ITGA2: variants seen among roughly 807,000 people sequenced by gnomAD.
ITGA2 encodes integrin subunit alpha 2.
A neutral mutation model predicts 146.3 loss-of-function variants in ITGA2; 101 were observed. That is an observed-to-expected ratio of 0.69 (90% CI 0.59 to 0.81). ITGA2 has a LOEUF of 0.81. ITGA2 is among the 40% of genes least tolerant of loss of function. The pLI, the probability that ITGA2 is intolerant of heterozygous loss-of-function variation, is 0.00. For missense variants in ITGA2, 1,281 were observed against 1,402.7 expected (o/e 0.91, Z 1.39); for synonymous variants, 477 against 487.1 (o/e 0.98, Z 0.27).
chr5:53,010,806 T>G (rs556480500), intron 1 of ITGA2, among the ~76,000 whole-genome samples: 1 of 152,238 alleles, frequency 6.6e-6, no homozygotes, highest in Non-Finnish European at 1.5e-5. Context: ...AACCAGTAAT[T>G]GGAAAAGGGG....
chr5:53,000,295 A>G (rs1741500905), intron 1 of ITGA2, among the ~76,000 whole-genome samples: 1 of 152,128 alleles, frequency 6.6e-6, no homozygotes. Flanking sequence ...ATTTTTCTGC[A>G]TCTATTGGTT....
chr5:53,062,437 T>G (rs1744943837), intron 12 of ITGA2, among the ~76,000 whole-genome samples: 2 of 151,920 alleles, frequency 1.3e-5, no homozygotes, highest in Admixed American at 1.3e-4. Flanking sequence ...CTTATAAGTA[T>G]GTCTTTGACC....
chr5:53,048,522 A>G lies in ITGA2; in HGVS notation c.502+45A>G, dbSNP rs763643727. The G allele has an allele frequency of 2.5e-6, 4 of 1,607,220 alleles. No homozygotes were observed. The South Asian group carries it at 4.4e-5, about 18-fold the overall frequency. On this transcript the variant is annotated intron_variant, in intron 5 of 29. Transcript: ENST00000296585. ...ATGGTCTGAGCAATGCCTTACAGTT[A>G]AAGGAGGGGGAAAAGGTTATCAACT...
intron 9 of ITGA2, among the ~76,000 whole-genome samples, chr5:53,057,175 C>T (rs1362220451): frequency 1.3e-5 from 2 of 151,974 alleles, no homozygotes; most frequent in African/African-American, 4.8e-5. Flanking sequence ...TTGCAATCTA[C>T]AAGCTAGCTA....
At chr5:53,053,578 C>G (rs1444032498) in intron 7 of ITGA2, among the ~76,000 whole-genome samples, 4 of 152,112 alleles carry the variant, frequency 2.6e-5, no homozygotes, top group African/African-American at 9.7e-5. Context: ...AGGACAATGG[C>G]CACTGTCCAT....
chr5:53,087,787 C>A (rs1740174960), intron 28 of ITGA2, among the ~76,000 whole-genome samples: 1 of 152,202 alleles, frequency 6.6e-6, no homozygotes, highest in Admixed American at 6.5e-5. Context: ...AATCTGCTGG[C>A]AGAGCCCTGA....
At chr5:53,069,846 C>A (rs1745308190) in intron 16 of ITGA2, among the ~76,000 whole-genome samples, 1 of 151,812 alleles carries the variant, frequency 6.6e-6, no homozygotes, top group African/African-American at 2.4e-5. Flanking sequence ...TTCCTGGCGG[C>A]AAGTCTAGTT....
intron 1 of ITGA2, among the ~76,000 whole-genome samples, chr5:53,022,858 T>C (rs1055415057): frequency 4.6e-5 from 7 of 152,208 alleles, no homozygotes; most frequent in African/African-American, 1.4e-4. Context: ...AGTTAACTTA[T>C]GCTTGACTAT....
At chr5:53,048,024 G>A (rs1057363199) in intron 4 of ITGA2, among the ~76,000 whole-genome samples, 1 of 152,178 alleles carries the variant, frequency 6.6e-6, no homozygotes, top group African/African-American at 2.4e-5. Flanking sequence ...GACAAAAAGT[G>A]AACCTGCATG....
rs537086711 is a variant in ITGA2, at chr5:53,091,212, C to T, written c.*613C>T. 8.0e-4 allele frequency: 130 copies of T among 163,072 alleles called. No individual in the cohort carries two copies. Among genetic ancestry groups the T allele is most frequent in the Non-Finnish European group, 1.5e-3 (111 of 74,400 alleles). 10.1% of individuals were successfully genotyped at this position (163,072 alleles called of 1,614,324 possible). A position where few individuals can be genotyped will look rare whatever the true frequency, so the allele number is the denominator to read the frequency against. On this transcript the variant is annotated 3_prime_UTR_variant, in exon 30 of 30. Transcript: ENST00000296585. Reference sequence around the variant, plus strand: ...TGGTTCCTTTTAGACCACGGCTGCCCCTTCCACACCCCATCTTGCTCTAAT... The same window carrying T: ...TGGTTCCTTTTAGACCACGGCTGCCTCTTCCACACCCCATCTTGCTCTAAT...
intron 14 of ITGA2, 130 bp from the exon 15 acceptor site, chr5:53,065,711 T>C (rs1448128238): frequency 1.7e-6 from 2 of 1,207,134 alleles, no homozygotes; most frequent in East Asian, 5.1e-5. Context: ...AATGAATCTT[T>C]AGAATTTGTA....
intron 2 of ITGA2, among the ~76,000 whole-genome samples, chr5:53,035,307 A>C (rs1231913637): frequency 6.6e-6 from 1 of 152,202 alleles, no homozygotes. Context: ...TGCATGTCGG[A>C]TGAGAGGAAG....
At chr5:53,002,406 A>G (rs1305621657) in intron 1 of ITGA2, among the ~76,000 whole-genome samples, 1 of 152,156 alleles carries the variant, frequency 6.6e-6, no homozygotes, top group Non-Finnish European at 1.5e-5. Context: ...TAATTAACAG[A>G]AAAAATATTT....
intron 14 of ITGA2, 97 bp downstream of exon 14, chr5:53,065,212 T>C (rs760629995): frequency 1.3e-5 from 16 of 1,196,740 alleles, no homozygotes; most frequent in Non-Finnish European, 2.0e-5. Flanking sequence ...GTCCGCCTTA[T>C]TTTGTAACTT....
At chr5:53,030,507 C>T (rs1401023534) in intron 2 of ITGA2, among the ~76,000 whole-genome samples, 4 of 152,174 alleles carry the variant, frequency 2.6e-5, no homozygotes, top group South Asian at 2.1e-4. Flanking sequence ...GAAGAGACAG[C>T]ACCTGTCTGA....
intron 16 of ITGA2, among the ~76,000 whole-genome samples, chr5:53,069,163 C>T (rs1745273970): frequency 6.6e-6 from 1 of 151,668 alleles, no homozygotes; most frequent in Non-Finnish European, 1.5e-5. Context: ...CCAAATAAGG[C>T]AATAAGGCAG....
Position 53,094,454 on chromosome 5 carries a change from G to T in ITGA2, c.*3855G>T, listed in dbSNP as rs1740600550. On this transcript the variant is annotated 3_prime_UTR_variant, in exon 30 of 30. Coordinates refer to ENST00000296585, the MANE Select transcript of ITGA2 (RefSeq NM_002203.4). ...ATGTTAGAATTGTATATATTTTAAA[G>T]AAATTGTCTTGGATATTTTCCTTTA... 3 of 152,138 alleles carry T rather than the reference G, an allele frequency of 2.0e-5. No homozygotes were observed. Among genetic ancestry groups the T allele is most frequent in the Admixed American group, 2.0e-4 (3 of 15,280 alleles). 9.4% of individuals were successfully genotyped at this position (152,138 alleles called of 1,614,324 possible).
intron 1 of ITGA2, among the ~76,000 whole-genome samples, chr5:52,997,675 AAC>A (rs1380718036): frequency 6.6e-6 from 1 of 152,180 alleles, no homozygotes; most frequent in African/African-American, 2.4e-5. Context: ...ATGCAGACTG[AAC>A]ACAAGCTGGC....
Position 53,093,754 on chromosome 5 carries a change from T to A in ITGA2, c.*3155T>A, listed in dbSNP as rs1740557734. ...AAGATGTCATATTCAAATTTCCATT[T>A]CATAAATGGTGTACAGACAAGGTCT... On this transcript the variant is annotated 3_prime_UTR_variant, in exon 30 of 30. Coordinates refer to ENST00000296585, the MANE Select transcript of ITGA2 (RefSeq NM_002203.4). 1 of 152,600 alleles carries A rather than the reference T, an allele frequency of 6.6e-6. No individual in the cohort carries two copies. The highest frequency in any genetic ancestry group is 2.4e-5 in the African/African-American group (1 of 41,464). The allele number at this position is 152,600 out of a possible 1,614,324, so 9.5% of individuals were successfully genotyped here. A position where few individuals can be genotyped will look rare whatever the true frequency, so the allele number is the denominator to read the frequency against.
Sources: gnomAD v4.1 joint callset for allele counts (sites outside exome capture counted in the v4.1 genomes callset) on GRCh38, gnomAD v4.1.1 for gene constraint, MANE v1.5 for transcripts, NCBI Gene and HGNC (gene_info 2026-07-23, HGNC 2026-07-21) for gene names.